Variants in ACTR3C observed in about 807,000 individuals in gnomAD.
The protein encoded by ACTR3C is actin related protein 3C, also known as actin-related protein 3C.
Under a neutral mutation model 26.3 loss-of-function variants are expected in ACTR3C, and 18 were observed. The observed-to-expected ratio is 0.68, with a 90% CI of 0.47 to 1.01. The LOEUF is 1.01. Ranked by LOEUF, ACTR3C falls within the 50% of genes least tolerant of loss-of-function variation. ACTR3C has a pLI of 0.00. For synonymous variants in ACTR3C, 55 were observed against 94.5 expected, an observed-to-expected ratio of 0.58 and a Z score of 2.42; for missense variants, 184 against 250.7, an observed-to-expected ratio of 0.73 and a Z score of 1.80.
At chr7:150,260,559 T>C (rs973580938) in intron 6 of ACTR3C, among the ~76,000 whole-genome samples, 6 of 152,238 alleles carry the variant, frequency 3.9e-5, no homozygotes, top group Admixed American at 6.5e-5. Flanking sequence ...TCAATTAATA[T>C]CAATCAAAAT....
the ACTR3C span, among the ~76,000 whole-genome samples, chr7:150,039,458 T>G: frequency 4.9e-5 from 3 of 60,704 alleles, no homozygotes; most frequent in African/African-American, 1.0e-4. Flanking sequence ...GCGATGGGGG[T>G]ACTCACAGCC....
the ACTR3C span, among the ~76,000 whole-genome samples, chr7:150,089,012 T>C: frequency 1.3e-5 from 2 of 152,242 alleles, no homozygotes; most frequent in African/African-American, 4.8e-5. Flanking sequence ...AAACAAATAT[T>C]TATTTTAAGT....
the ACTR3C span, among the ~76,000 whole-genome samples, chr7:150,131,230 CA>C: frequency 6.6e-6 from 1 of 151,908 alleles, no homozygotes. Flanking sequence ...AAAACAATCT[CA>C]GGGGAAAGTC....
At chr7:150,039,389 C>G in the ACTR3C span, among the ~76,000 whole-genome samples, 8 of 69,604 alleles carry the variant, frequency 1.1e-4, no homozygotes, top group Middle Eastern at 8.8e-3. Context: ...GTCCTAAGAA[C>G]CCGGGGGGGA....
At chr7:150,150,332 C>T in the ACTR3C span, among the ~76,000 whole-genome samples, 2 of 152,218 alleles carry the variant, frequency 1.3e-5, no homozygotes, top group African/African-American at 4.8e-5. Context: ...TCTTTCTCTC[C>T]CGCTGGTCTT....
chr7:150,184,894 C>T, the ACTR3C span, among the ~76,000 whole-genome samples: 2 of 148,580 alleles, frequency 1.3e-5, no homozygotes, highest in Admixed American at 6.6e-5. Context: ...CACAGTGCCA[C>T]GGTTCGCTTC....
chr7:150,216,698 G>A, the ACTR3C span, among the ~76,000 whole-genome samples: 2 of 151,942 alleles, frequency 1.3e-5, no homozygotes, highest in Non-Finnish European at 2.9e-5. Flanking sequence ...TGTAAAAAGA[G>A]GCTGTTGGCC....
At chr7:149,979,044 CT>C in the ACTR3C span, among the ~76,000 whole-genome samples, 2 of 152,200 alleles carry the variant, frequency 1.3e-5, no homozygotes, top group African/African-American at 4.8e-5. Context: ...GTATGTGTCT[CT>C]GCTACCCGTC....
At chr7:150,231,382 C>A in the ACTR3C span, among the ~76,000 whole-genome samples, 1 of 151,880 alleles carries the variant, frequency 6.6e-6, no homozygotes, top group Non-Finnish European at 1.5e-5. Context: ...CACATTCTCA[C>A]TCCATTGGTT....
the ACTR3C span, among the ~76,000 whole-genome samples, chr7:150,077,784 TC>T: frequency 1.3e-5 from 2 of 152,190 alleles, no homozygotes; most frequent in African/African-American, 2.4e-5. Context: ...GAAGACAAGC[TC>T]CAACCTCTGT....
At chr7:150,236,346 A>G in the ACTR3C span, among the ~76,000 whole-genome samples, 11 of 152,208 alleles carry the variant, frequency 7.2e-5, no homozygotes, top group East Asian at 3.8e-4. Context: ...TGAGCTTTCA[A>G]TAGAGGTGAT....
At chr7:150,147,679 G>A in the ACTR3C span, among the ~76,000 whole-genome samples, 1 of 152,274 alleles carries the variant, frequency 6.6e-6, no homozygotes, top group South Asian at 2.1e-4. Flanking sequence ...CCTGTACTGT[G>A]TGGTGTCTGT....
chr7:150,148,409 A>G, the ACTR3C span, among the ~76,000 whole-genome samples: 40 of 152,016 alleles, frequency 2.6e-4, no homozygotes, highest in Non-Finnish European at 5.1e-4. Context: ...CCCGGGAGGC[A>G]GAGGTTGCAG....
the ACTR3C span, among the ~76,000 whole-genome samples, chr7:149,959,238 A>C: frequency 2.5e-5 from 3 of 119,478 alleles, no homozygotes; most frequent in South Asian, 3.3e-4. Context: ...CACCCCCACA[A>C]TCTCCTCCTG....
the ACTR3C span, among the ~76,000 whole-genome samples, chr7:150,233,560 G>A: frequency 1.3e-5 from 2 of 151,558 alleles, no homozygotes; most frequent in African/African-American, 4.9e-5. Flanking sequence ...AATTATTTCT[G>A]TTGACTTATC....
At chr7:149,936,516 C>A in the ACTR3C span, among the ~76,000 whole-genome samples, 1 of 152,196 alleles carries the variant, frequency 6.6e-6, no homozygotes, top group Admixed American at 6.5e-5. Context: ...CTTTAGAAAG[C>A]CTGCATTGGG....
At chr7:150,069,380 C>T in the ACTR3C span, among the ~76,000 whole-genome samples, 5 of 152,136 alleles carry the variant, frequency 3.3e-5, no homozygotes, top group Non-Finnish European at 5.9e-5. Flanking sequence ...GGGAGGGCCT[C>T]TTGGCATGAG....
At chr7:149,914,566 A>AAAAT in the ACTR3C span, among the ~76,000 whole-genome samples, 30 of 151,570 alleles carry the variant, frequency 2.0e-4, no homozygotes, top group African/African-American at 4.6e-4. Flanking sequence ...CTTTATCTCA[A>AAAAT]AAATAAATAA....
the ACTR3C span, among the ~76,000 whole-genome samples, chr7:150,175,815 C>CAAAAAAAAAAAAA: frequency 2.2e-5 from 1 of 46,258 alleles, no homozygotes; most frequent in Admixed American, 2.2e-4. Flanking sequence ...TCCATCTGAA[C>CAAAAAAAAAAAAA]AAAAAAAAAA....
Sources: allele counts gnomAD v4.1 joint callset (sites outside exome capture counted in the v4.1 genomes callset), GRCh38; gene constraint gnomAD v4.1.1; transcripts MANE v1.5; gene names NCBI Gene and HGNC (gene_info 2026-07-23, HGNC 2026-07-21).